Variants in ARID1B observed in about 807,000 individuals in gnomAD.
ARID1B encodes the protein AT-rich interactive domain-containing protein 1B.
Under a neutral mutation model 212.3 loss-of-function variants are expected in ARID1B, and 30 were observed. The observed-to-expected ratio is 0.14, with a 90% CI of 0.11 to 0.19. The LOEUF is 0.19. Ranked by LOEUF, ARID1B falls within the 10% of genes least tolerant of loss-of-function variation. The pLI is 1.00. For missense variants in ARID1B, 2,891 were observed against 3,204.0 expected (o/e 0.90, Z 2.36); for synonymous variants, 1,402 against 1,301.7 (o/e 1.08, Z -1.66).
intron 3 of ARID1B, among the ~76,000 whole-genome samples, chr6:156,904,650 A>G (rs954932571): frequency 1.3e-5 from 2 of 152,256 alleles, no homozygotes; most frequent in African/African-American, 4.8e-5. Flanking sequence ...ATTTTTGCCA[A>G]TCTGGTACAG....
Position 156,926,890 on chromosome 6 carries a change from C to T in ARID1B, c.2137-8576C>T, listed in dbSNP as rs370623521. On this transcript the variant is annotated intron_variant, in intron 3 of 19. Transcript: ENST00000636930. ...AGAGACAGGGTTTCACCATGTTGGC[C>T]AGGCTGGGCTCGAACTCCTGACGCC... Among the ~76,000 whole-genome samples the T allele has an allele frequency of 7.2e-5, 11 of 152,220 alleles. No homozygotes were observed. The East Asian group carries it at 1.9e-3, about 27-fold the overall frequency.
chr6:157,129,428 A>G (rs1213064861), intron 6 of ARID1B, among the ~76,000 whole-genome samples: 1 of 152,228 alleles, frequency 6.6e-6, no homozygotes, highest in African/African-American at 2.4e-5. Context: ...TTCCTCTTTC[A>G]TGGTCTTGGG....
chr6:157,044,883 C>T (rs1782126329), intron 4 of ARID1B, among the ~76,000 whole-genome samples: 1 of 152,172 alleles, frequency 6.6e-6, no homozygotes, highest in Non-Finnish European at 1.5e-5. Context: ...TCCATCTTAA[C>T]AATGAGTTCT....
chr6:157,040,105 A>G (rs891613543), intron 4 of ARID1B, among the ~76,000 whole-genome samples: 3 of 151,722 alleles, frequency 2.0e-5, no homozygotes, highest in African/African-American at 7.3e-5. Flanking sequence ...GCGTGCCACT[A>G]ATTTTTGAAT....
intron 2 of ARID1B, among the ~76,000 whole-genome samples, chr6:156,880,800 G>T (rs1236048590): frequency 6.7e-6 from 1 of 148,332 alleles, no homozygotes; most frequent in Admixed American, 6.8e-5. Flanking sequence ...ATGGCTTTTG[G>T]TGGATGTTAG....
rs569708810 is a variant in ARID1B, at chr6:157,024,279, A to G, written c.2248-60383A>G. On this transcript the variant is annotated intron_variant, in intron 4 of 19. Transcript: ENST00000636930. Reference sequence around the variant, plus strand: ...GTTGTTTATAAACTCTTAGAAAAACATAACATAAATGAATCTTACTGCCAA... The same window carrying G: ...GTTGTTTATAAACTCTTAGAAAAACGTAACATAAATGAATCTTACTGCCAA... The G allele has an allele frequency of 7.9e-4, 121 of 152,392 alleles. 1 individual carries two copies. Among genetic ancestry groups the G allele is most frequent in the African/African-American group, 2.8e-3 (116 of 41,594 alleles). 9.4% of individuals were successfully genotyped at this position (152,392 alleles called of 1,614,324 possible).
intron 3 of ARID1B, among the ~76,000 whole-genome samples, chr6:156,909,950 A>T (rs1184925216): frequency 1.3e-5 from 2 of 152,228 alleles, no homozygotes; most frequent in African/African-American, 4.8e-5. Flanking sequence ...TGATGGACAG[A>T]TAAAGCTTCC....
At chr6:157,102,604 CTTTTTT>C (rs35977420) in intron 5 of ARID1B, among the ~76,000 whole-genome samples, 1 of 66,250 alleles carries the variant, frequency 1.5e-5, no homozygotes, top group Non-Finnish European at 2.8e-5. Context: ...CTGAGTGGTT[CTTTTTT>C]TTTTTTTTTT....
intron 4 of ARID1B, among the ~76,000 whole-genome samples, chr6:157,054,716 T>G (rs965849859): frequency 2.6e-5 from 4 of 152,208 alleles, no homozygotes; most frequent in African/African-American, 9.7e-5. Flanking sequence ...CTAGGCCTAC[T>G]TACTAGATGT....
At chr6:157,057,717 C>T (rs1331047743) in intron 4 of ARID1B, among the ~76,000 whole-genome samples, 1 of 151,852 alleles carries the variant, frequency 6.6e-6, no homozygotes, top group Non-Finnish European at 1.5e-5. Context: ...TCCATAGAGC[C>T]GAAAATTTAA....
intron 2 of ARID1B, among the ~76,000 whole-genome samples, chr6:156,851,636 C>T (rs1022302874): frequency 8.5e-5 from 13 of 152,172 alleles, no homozygotes; most frequent in Non-Finnish European, 1.3e-4. Context: ...GCCTGCCCAA[C>T]GTAACATGGA....
chr6:156,991,801 G>C (rs1778291629), intron 4 of ARID1B, among the ~76,000 whole-genome samples: 1 of 152,182 alleles, frequency 6.6e-6, no homozygotes, highest in African/African-American at 2.4e-5. Flanking sequence ...TATTTCAAAA[G>C]TTCTATTGAA....
At chr6:157,157,643 A>G (rs1790661429) in intron 8 of ARID1B, among the ~76,000 whole-genome samples, 1 of 152,166 alleles carries the variant, frequency 6.6e-6, no homozygotes, top group African/African-American at 2.4e-5. Context: ...GGAGTATGAG[A>G]AGCAACTCAC....
intron 4 of ARID1B, among the ~76,000 whole-genome samples, chr6:156,980,139 T>C (rs903252426): frequency 5.9e-5 from 9 of 152,208 alleles, no homozygotes; most frequent in Admixed American, 5.2e-4. Context: ...TTTGTAATGC[T>C]TAGATCCGTA....
intron 3 of ARID1B, among the ~76,000 whole-genome samples, chr6:156,913,105 A>G (rs944647583): frequency 2.6e-5 from 4 of 151,330 alleles, no homozygotes; most frequent in Non-Finnish European, 5.9e-5. Context: ...TTTGAAGTAT[A>G]TATACTACAT....
chr6:156,867,618 A>G (rs1399903863), intron 2 of ARID1B, among the ~76,000 whole-genome samples: 1 of 152,172 alleles, frequency 6.6e-6, no homozygotes, highest in African/African-American at 2.4e-5. Flanking sequence ...CGGTATGTGA[A>G]TGTACTATTT....
At chr6:157,112,113 A>G (rs187176032) in intron 6 of ARID1B, among the ~76,000 whole-genome samples, 1 of 152,110 alleles carries the variant, frequency 6.6e-6, no homozygotes, top group Non-Finnish European at 1.5e-5. Flanking sequence ...ACACCACTGC[A>G]CTCCACCCTG....
intron 7 of ARID1B, among the ~76,000 whole-genome samples, chr6:157,147,857 C>T (rs1789904016): frequency 1.3e-5 from 1 of 78,556 alleles, no homozygotes. Context: ...GCCCGCCAGC[C>T]CTCACCCCCT....
chr6:156,949,652 G>T (rs1452082120), intron 4 of ARID1B, among the ~76,000 whole-genome samples: 1 of 152,206 alleles, frequency 6.6e-6, no homozygotes, highest in Non-Finnish European at 1.5e-5. Flanking sequence ...CCCCAATGCT[G>T]CAGTACTCTT....
Sources: gnomAD v4.1 joint callset for allele counts (sites outside exome capture counted in the v4.1 genomes callset) on GRCh38, gnomAD v4.1.1 for gene constraint, MANE v1.5 for transcripts, NCBI Gene and HGNC (gene_info 2026-07-23, HGNC 2026-07-21) for gene names.